Variants in CSMD2 observed in about 807,000 individuals in gnomAD.
CSMD2 encodes CUB and Sushi multiple domains 2.
Under a neutral mutation model 398.5 loss-of-function variants are expected in CSMD2, and 130 were observed. The ratio of observed to expected loss-of-function variants is 0.33; its 90% CI spans 0.28 to 0.38. The LOEUF is 0.38. Among genes scored for constraint, CSMD2 ranks in the 10% least tolerant of loss-of-function variants. The pLI, the probability that CSMD2 is intolerant of heterozygous loss-of-function variation, is 1.00. For synonymous variants in CSMD2, 1,828 were observed against 1,908.5 expected (o/e 0.96, Z 1.10); for missense variants, 3,829 against 4,764.9 (o/e 0.80, Z 5.78).
chr1:33,967,054 G>A (rs907763190), intron 3 of CSMD2, among the ~76,000 whole-genome samples: 3 of 152,154 alleles, frequency 2.0e-5, no homozygotes, highest in African/African-American at 4.8e-5. Context: ...TATTCATCAC[G>A]ATTCTATTTA....
At position 34,151,520 on chromosome 1, in the gene CSMD2, A is replaced by G. The variant is rs144701978; in HGVS notation, c.187+13391T>C. Among the ~76,000 whole-genome samples the G allele has an allele frequency of 1.8e-3, 277 of 152,170 alleles. 3 individuals are homozygous for G. Among genetic ancestry groups the G allele is most frequent in the African/African-American group, 6.5e-3 (269 of 41,502 alleles). ...GGGGAGGAGGATGACTTACAATGAG[A>G]GGGAATCCTGGTTTCTTGGGAAGTA... On this transcript the variant is annotated intron_variant, in intron 1 of 70. Transcript: ENST00000373381.
chr1:34,007,106 A>G (rs1417464576), intron 3 of CSMD2, among the ~76,000 whole-genome samples: 1 of 152,110 alleles, frequency 6.6e-6, no homozygotes, highest in African/African-American at 2.4e-5. Flanking sequence ...TTTAAGTCGA[A>G]GTCCAGAATT....
Position 33,633,408 on chromosome 1 carries a change from C to G in CSMD2, c.5200+14G>C. On this transcript the variant is annotated intron_variant, in intron 32 of 70. Transcript: ENST00000373381. The surrounding 1 kb of genome is among the most constrained non-coding windows in gnomAD (Gnocchi z 5.0). ...GGCCCACAACCATCCCCACACTGGC[C>G]GAGCCCCGGATACCTGTATGGGAGC... is the stretch of plus-strand genomic sequence containing the variant. 1.3e-6 allele frequency: 2 copies of G among 1,543,510 alleles called. No individual in the cohort carries two copies. The highest frequency in any genetic ancestry group is 1.8e-6 in the Non-Finnish European group (2 of 1,140,610).
intron 5 of CSMD2, among the ~76,000 whole-genome samples, chr1:33,886,547 C>T (rs950934232): frequency 3.9e-5 from 6 of 152,198 alleles, no homozygotes; most frequent in Non-Finnish European, 8.8e-5. Flanking sequence ...CCCCCAGCCA[C>T]TGTTTTCACC....
chr1:34,112,803 G>C (rs1269025261), intron 1 of CSMD2: 1 of 152,126 alleles, frequency 6.6e-6, no homozygotes, highest in Non-Finnish European at 1.5e-5. Flanking sequence ...AGAAAGAAAA[G>C]GATTCAAGCC....
chr1:33,634,271 C>T (rs1044400400), intron 31 of CSMD2, among the ~76,000 whole-genome samples: 3 of 152,158 alleles, frequency 2.0e-5, no homozygotes, highest in Non-Finnish European at 2.9e-5. Context: ...ATGTCTCTCT[C>T]ATCTCTGCAA....
intron 44 of CSMD2, among the ~76,000 whole-genome samples, chr1:33,587,803 G>C (rs2148752942): frequency 6.6e-6 from 1 of 152,272 alleles, no homozygotes; most frequent in East Asian, 1.9e-4. Flanking sequence ...GCTAGAGGCA[G>C]GATGCTATTT....
chr1:33,801,915 G>C (rs1350719544), intron 10 of CSMD2, among the ~76,000 whole-genome samples: 1 of 152,180 alleles, frequency 6.6e-6, no homozygotes, highest in African/African-American at 2.4e-5. Flanking sequence ...TGCTTTGCTG[G>C]AAGAAGGAAT....
chr1:33,803,359 CAG>C (rs535499365), intron 10 of CSMD2, among the ~76,000 whole-genome samples: 117 of 152,328 alleles, frequency 7.7e-4, no homozygotes, highest in African/African-American at 2.7e-3. Context: ...CAGATTTACC[CAG>C]AGTTTCCATC....
In CSMD2 at chr1:33,518,562, T is replaced by C. The variant is rs1653970901; in HGVS notation, c.*53+903A>G. ...TCAAACACCAATCTGGATATTGCTGTGAAGGTATCTTTTTAGATAAAATTA... is the reference window on the plus strand; with the variant it reads ...TCAAACACCAATCTGGATATTGCTGCGAAGGTATCTTTTTAGATAAAATTA... On this transcript the variant is annotated intron_variant, in intron 70 of 70. Coordinates refer to ENST00000373381, the MANE Select transcript of CSMD2 (RefSeq NM_001281956.2). The surrounding 1 kb of genome is among the most constrained non-coding windows in gnomAD (Gnocchi z 4.3). 6.6e-6 allele frequency among the ~76,000 whole-genome samples: 1 copy of C among 152,218 alleles called. No individual in the cohort carries two copies.
chr1:33,858,371 C>T (rs1350846954), intron 5 of CSMD2, among the ~76,000 whole-genome samples: 1 of 152,126 alleles, frequency 6.6e-6, no homozygotes, highest in Non-Finnish European at 1.5e-5. Flanking sequence ...GGCCTTGTTC[C>T]TTCCCAGTTG....
chr1:33,847,105 C>A (rs1248318865), intron 5 of CSMD2, 109 bp from the exon 6 acceptor site: 12 of 666,654 alleles, frequency 1.8e-5, no homozygotes, highest in Middle Eastern at 2.5e-4. Context: ...CTCAGCCCAG[C>A]TCTGGAGCAG....
chr1:33,621,964 C>T (rs544116780), intron 37 of CSMD2, among the ~76,000 whole-genome samples: 14 of 152,130 alleles, frequency 9.2e-5, no homozygotes, highest in Non-Finnish European at 1.3e-4. Flanking sequence ...TACAGGTTTT[C>T]GAGTAACAGA....
intron 15 of CSMD2, among the ~76,000 whole-genome samples, chr1:33,735,106 C>A (rs1299906346): frequency 6.6e-6 from 1 of 152,158 alleles, no homozygotes; most frequent in Non-Finnish European, 1.5e-5. Context: ...TTTGGAGATG[C>A]TTTTAAGTCT....
chr1:33,747,214 A>G (rs1359021834), intron 13 of CSMD2, among the ~76,000 whole-genome samples: 1 of 152,242 alleles, frequency 6.6e-6, no homozygotes, highest in Non-Finnish European at 1.5e-5. Flanking sequence ...CAAATAAACC[A>G]ATATGGTAAT....
intron 2 of CSMD2, among the ~76,000 whole-genome samples, chr1:34,066,457 T>G (rs1398496448): frequency 6.6e-6 from 1 of 151,994 alleles, no homozygotes; most frequent in African/African-American, 2.4e-5. Flanking sequence ...GCAGAAATAA[T>G]GGGCAGAGAA....
At position 34,163,936 on chromosome 1, in the gene CSMD2, G is replaced by T. The variant is rs1641598796; in HGVS notation, c.187+975C>A. On this transcript the variant is annotated intron_variant, in intron 1 of 70. Transcript: ENST00000373381. This position sits in a 1 kb window ranked among gnomAD's most constrained non-coding sequence, Gnocchi z 5.4. ...CCTCCACAGGGGACCGGGTTCCCTC[G>T]AAGGTTCGCGTACCTCCCCCGCGCG... 6.6e-6 allele frequency among the ~76,000 whole-genome samples: 1 copy of T among 152,122 alleles called. No individual in the cohort carries two copies. The highest frequency in any genetic ancestry group is 1.5e-5 in the Non-Finnish European group (1 of 68,026).
chr1:33,856,267 A>G (rs1165672395), intron 5 of CSMD2, among the ~76,000 whole-genome samples: 3 of 152,194 alleles, frequency 2.0e-5, no homozygotes, highest in Admixed American at 6.5e-5. Context: ...CAGGGAAATG[A>G]GGCACCTGCA....
chr1:33,951,295 C>A (rs1264867832), intron 3 of CSMD2, among the ~76,000 whole-genome samples: 2 of 152,244 alleles, frequency 1.3e-5, no homozygotes, highest in African/African-American at 4.8e-5. Context: ...CTTACTGGAG[C>A]TGCTCATTCA....
Sources: gnomAD v4.1 joint callset for allele counts (sites outside exome capture counted in the v4.1 genomes callset) on GRCh38, gnomAD v4.1.1 for gene constraint, Gnocchi (gnomAD v3.1) non-coding constraint, MANE v1.5 for transcripts, NCBI Gene and HGNC (gene_info 2026-07-23, HGNC 2026-07-21) for gene names.